Variants in PEBP4 observed in about 807,000 individuals in gnomAD.
PEBP4 encodes the protein phosphatidylethanolamine-binding protein 4.
In PEBP4, 22 loss-of-function variants were observed where a neutral mutation model predicts 23.9. The observed-to-expected ratio is 0.92, with a 90% CI of 0.66 to 1.31. The LOEUF (loss-of-function observed/expected upper bound fraction) is 1.31, where lower values mean the gene tolerates loss of function less well. Ranked by LOEUF, PEBP4 falls within the 40% of genes most tolerant of loss-of-function variation. PEBP4 has a pLI of 0.00. For synonymous variants in PEBP4, 112 were observed against 99.3 expected, an observed-to-expected ratio of 1.13 and a Z score of -0.76; for missense variants, 324 against 281.7, an observed-to-expected ratio of 1.15 and a Z score of -1.07.
At chr8:22,725,015 C>A in intron 5 of PEBP4, 59 bp from the exon 6 acceptor site, 1 of 1,414,042 alleles carries the variant, frequency 7.1e-7, no homozygotes, top group Non-Finnish European at 1.0e-6. Context: ...GAGGGCAGAG[C>A]TCTCTGCCTT....
At chr8:22,819,675 C>T (rs767474245) in intron 3 of PEBP4, among the ~76,000 whole-genome samples, 2 of 151,526 alleles carry the variant, frequency 1.3e-5, no homozygotes, top group African/African-American at 4.9e-5. Flanking sequence ...GGTGTGATCT[C>T]GGCTCATTGC....
At chr8:22,911,282 T>C (rs1808933693) in intron 3 of PEBP4, among the ~76,000 whole-genome samples, 1 of 152,136 alleles carries the variant, frequency 6.6e-6, no homozygotes, top group African/African-American at 2.4e-5. Context: ...CGCTGGTCCC[T>C]GGAAGAATGA....
chr8:22,880,327 T>C (rs764130803), intron 3 of PEBP4, among the ~76,000 whole-genome samples: 5 of 152,164 alleles, frequency 3.3e-5, no homozygotes, highest in Non-Finnish European at 7.3e-5. Context: ...GAGGGTCAAA[T>C]GACATGAGAA....
At chr8:22,834,793 T>C (rs951655549) in intron 3 of PEBP4, among the ~76,000 whole-genome samples, 1 of 152,196 alleles carries the variant, frequency 6.6e-6, no homozygotes, top group Non-Finnish European at 1.5e-5. Flanking sequence ...TGTTGGTGTA[T>C]TGAAGCCATC....
At chr8:22,824,194 G>A (rs1367197262) in intron 3 of PEBP4, among the ~76,000 whole-genome samples, 1 of 152,050 alleles carries the variant, frequency 6.6e-6, no homozygotes, top group Non-Finnish European at 1.5e-5. Context: ...CTTCTTTGTA[G>A]TTTTTTGCAT....
intron 3 of PEBP4, among the ~76,000 whole-genome samples, chr8:22,825,828 T>C (rs1436512146): frequency 1.3e-5 from 2 of 152,246 alleles, no homozygotes; most frequent in East Asian, 3.8e-4. Flanking sequence ...AAATGTAGTA[T>C]ATCCGTACAA....
At chr8:22,899,076 C>T (rs928258497) in intron 3 of PEBP4, among the ~76,000 whole-genome samples, 5 of 152,228 alleles carry the variant, frequency 3.3e-5, no homozygotes, top group African/African-American at 1.2e-4. Context: ...ATCTAGGACC[C>T]TGGACAAGCT....
chr8:22,785,945 T>C (rs1238354475), intron 4 of PEBP4, among the ~76,000 whole-genome samples: 1 of 152,230 alleles, frequency 6.6e-6, no homozygotes, highest in African/African-American at 2.4e-5. Context: ...GATAGGTGGA[T>C]TCACTTCTTT....
At chr8:22,731,957 G>C (rs955452113) in intron 4 of PEBP4, among the ~76,000 whole-genome samples, 2 of 152,142 alleles carry the variant, frequency 1.3e-5, no homozygotes, top group Admixed American at 1.3e-4. Flanking sequence ...TTACAGGCGT[G>C]AGCCACCGCA....
intron 4 of PEBP4, among the ~76,000 whole-genome samples, chr8:22,763,555 T>A (rs1018652948): frequency 2.6e-5 from 4 of 152,188 alleles, no homozygotes; most frequent in African/African-American, 9.7e-5. Flanking sequence ...TTAGCATTTC[T>A]TTGCCTCTGT....
At chr8:22,819,386 T>A (rs894595308) in intron 3 of PEBP4, among the ~76,000 whole-genome samples, 1 of 152,174 alleles carries the variant, frequency 6.6e-6, no homozygotes, top group Non-Finnish European at 1.5e-5. Context: ...AACTTGGATA[T>A]CACTGTTATC....
At chr8:22,837,188 C>A (rs1487097748) in intron 3 of PEBP4, among the ~76,000 whole-genome samples, 1 of 152,320 alleles carries the variant, frequency 6.6e-6, no homozygotes, top group Non-Finnish European at 1.5e-5. Flanking sequence ...GCGAGGTCTG[C>A]GCTAGCTCTT....
chr8:22,748,704 G>T (rs1360504847), intron 4 of PEBP4, among the ~76,000 whole-genome samples: 2 of 152,114 alleles, frequency 1.3e-5, no homozygotes, highest in African/African-American at 2.4e-5. Context: ...GCTTTTGGTA[G>T]TCTTGGGGTT....
At chr8:22,813,649 A>C (rs186909244) in intron 4 of PEBP4, among the ~76,000 whole-genome samples, 1 of 152,226 alleles carries the variant, frequency 6.6e-6, no homozygotes. Flanking sequence ...TCAGAACTGA[A>C]GATCATCTTT....
chr8:22,741,925 A>G (rs1037975412), intron 4 of PEBP4, among the ~76,000 whole-genome samples: 5 of 152,164 alleles, frequency 3.3e-5, no homozygotes, highest in African/African-American at 1.2e-4. Context: ...ATGGGAGGAA[A>G]GGGGACAGGG....
chr8:22,935,938 T>C (rs12550367), intron 1 of PEBP4, among the ~76,000 whole-genome samples: 65,412 of 150,740 alleles, frequency 0.43, 15,412 homozygotes, highest in African/African-American at 0.62. Context: ...AAGCTTACAT[T>C]GAGAAGTTGT....
intron 4 of PEBP4, among the ~76,000 whole-genome samples, chr8:22,778,679 G>C (rs942165220): frequency 6.6e-6 from 1 of 152,160 alleles, no homozygotes; most frequent in Non-Finnish European, 1.5e-5. Context: ...GGATGCAGAG[G>C]CCTGAGTGGA....
chr8:22,768,226 C>T (rs1299066586), intron 4 of PEBP4, among the ~76,000 whole-genome samples: 1 of 152,172 alleles, frequency 6.6e-6, no homozygotes, highest in Non-Finnish European at 1.5e-5. Context: ...TGACTGCCCA[C>T]GAACACTTCT....
At chr8:22,938,051 C>T (rs886089777) in intron 1 of PEBP4, among the ~76,000 whole-genome samples, 3 of 151,956 alleles carry the variant, frequency 2.0e-5, no homozygotes, top group Admixed American at 2.0e-4. Flanking sequence ...ACACCAAAAG[C>T]GGAGGCAGCA....
Sources: gnomAD v4.1 joint callset for allele counts (sites outside exome capture counted in the v4.1 genomes callset) on GRCh38, gnomAD v4.1.1 for gene constraint, MANE v1.5 for transcripts, NCBI Gene and HGNC (gene_info 2026-07-23, HGNC 2026-07-21) for gene names.